ATP8A2: variants seen among roughly 807,000 people sequenced by gnomAD.
The protein encoded by ATP8A2 is phospholipid-transporting ATPase IB.
In ATP8A2, 100 loss-of-function variants were observed where a neutral mutation model predicts 165.6. That is an observed-to-expected ratio of 0.60 (90% CI 0.51 to 0.71). The LOEUF is 0.71. Ranked by LOEUF, ATP8A2 falls within the 30% of genes least tolerant of loss-of-function variation. The pLI is 0.00. For synonymous variants in ATP8A2, 543 were observed against 548.8 expected (o/e 0.99, Z 0.15); for missense variants, 1,227 against 1,479.5 (o/e 0.83, Z 2.80).
intron 33 of ATP8A2, among the ~76,000 whole-genome samples, chr13:25,951,508 C>T (rs372571188): frequency 9.2e-5 from 14 of 152,220 alleles, no homozygotes; most frequent in East Asian, 1.9e-4. Flanking sequence ...GAAAAAGGCA[C>T]GGGAGGGCTT....
At chr13:25,864,736 C>T (rs546643094) in intron 33 of ATP8A2, among the ~76,000 whole-genome samples, 18 of 152,248 alleles carry the variant, frequency 1.2e-4, no homozygotes, top group African/African-American at 4.1e-4. Flanking sequence ...TGGGTGAAAC[C>T]GAGGTTTTCA....
intron 24 of ATP8A2, among the ~76,000 whole-genome samples, chr13:25,660,317 A>C (rs914727698): frequency 6.6e-6 from 1 of 152,200 alleles, no homozygotes; most frequent in African/African-American, 2.4e-5. Context: ...CCAATGGTAT[A>C]TTCTGTAACA....
At chr13:25,784,463 ATAGTT>A (rs1435258617) in intron 27 of ATP8A2, among the ~76,000 whole-genome samples, 3 of 152,190 alleles carry the variant, frequency 2.0e-5, no homozygotes, top group Admixed American at 6.5e-5. Flanking sequence ...CAGCACCCAC[ATAGTT>A]TAGTACTGAT....
At chr13:25,671,903 G>C (rs1042235870) in intron 24 of ATP8A2, among the ~76,000 whole-genome samples, 1 of 152,124 alleles carries the variant, frequency 6.6e-6, no homozygotes. Context: ...AAAACTTGCC[G>C]GTTTTTGCAG....
At chr13:25,841,260 C>T (rs1311195319) in intron 30 of ATP8A2, among the ~76,000 whole-genome samples, 1 of 152,212 alleles carries the variant, frequency 6.6e-6, no homozygotes, top group African/African-American at 2.4e-5. Context: ...AGAGACAGCA[C>T]CAAATGAATT....
chr13:25,990,757 G>A (rs1566332364), intron 35 of ATP8A2, among the ~76,000 whole-genome samples: 1 of 152,204 alleles, frequency 6.6e-6, no homozygotes, highest in East Asian at 1.9e-4. Flanking sequence ...CACTGCTATA[G>A]TATGTTTTCT....
intron 13 of ATP8A2, 129 bp from the exon 14 acceptor site, chr13:25,558,844 A>T: frequency 8.9e-6 from 5 of 563,924 alleles, no homozygotes; most frequent in African/African-American, 1.9e-5. Flanking sequence ...TTTTGTTACT[A>T]ATTTGCTTGC....
intron 10 of ATP8A2, among the ~76,000 whole-genome samples, chr13:25,544,653 G>C (rs9578885): frequency 6.6e-6 from 1 of 152,138 alleles, no homozygotes; most frequent in Non-Finnish European, 1.5e-5. Context: ...GGAGTGACTC[G>C]TGTGAGTAGG....
intron 27 of ATP8A2, among the ~76,000 whole-genome samples, chr13:25,827,499 C>T (rs762077221): frequency 6.6e-6 from 1 of 152,168 alleles, no homozygotes; most frequent in South Asian, 2.1e-4. Flanking sequence ...CTTGCCTAAT[C>T]GGTTAGAATC....
intron 24 of ATP8A2, among the ~76,000 whole-genome samples, chr13:25,611,918 A>G (rs2040698424): frequency 1.3e-5 from 2 of 151,998 alleles, no homozygotes; most frequent in South Asian, 4.1e-4. Context: ...TCCAGTTTAT[A>G]CATGTAAAGG....
intron 33 of ATP8A2, among the ~76,000 whole-genome samples, chr13:25,915,001 T>A (rs1379847078): frequency 6.6e-6 from 1 of 152,246 alleles, no homozygotes; most frequent in Non-Finnish European, 1.5e-5. Context: ...ACTGCCTGTG[T>A]GGAATCTTCT....
intron 33 of ATP8A2, among the ~76,000 whole-genome samples, chr13:25,946,504 A>C (rs1955216151): frequency 6.6e-6 from 1 of 152,174 alleles, no homozygotes; most frequent in African/African-American, 2.4e-5. Flanking sequence ...TCACGTCGCC[A>C]GTGGATGTCC....
At chr13:25,423,173 T>A (rs1027939253) in intron 1 of ATP8A2, among the ~76,000 whole-genome samples, 1 of 152,256 alleles carries the variant, frequency 6.6e-6, no homozygotes, top group Non-Finnish European at 1.5e-5. Context: ...TCACTTTCAG[T>A]GCTCTTTCTA....
intron 33 of ATP8A2, among the ~76,000 whole-genome samples, chr13:25,897,044 G>A (rs1215820622): frequency 6.6e-6 from 1 of 151,940 alleles, no homozygotes; most frequent in Non-Finnish European, 1.5e-5. Flanking sequence ...TTTAAGGTTA[G>A]TATTGTTATG....
At chr13:25,856,439 C>T (rs1315412397) in intron 30 of ATP8A2, among the ~76,000 whole-genome samples, 1 of 152,116 alleles carries the variant, frequency 6.6e-6, no homozygotes, top group Non-Finnish European at 1.5e-5. Flanking sequence ...TTAATAGATA[C>T]AATGCACATT....
chr13:26,016,608 C>G (rs534862176), intron 36 of ATP8A2, among the ~76,000 whole-genome samples: 1 of 152,170 alleles, frequency 6.6e-6, no homozygotes, highest in South Asian at 2.1e-4. Context: ...ATACCTTTCC[C>G]GAAAGGACAC....
At chr13:25,885,158 G>T (rs1953106059) in intron 33 of ATP8A2, among the ~76,000 whole-genome samples, 2 of 143,380 alleles carry the variant, frequency 1.4e-5, no homozygotes, top group African/African-American at 5.2e-5. Context: ...TGTCACCCAG[G>T]CTGGAGTGCA....
chr13:25,727,521 G>A (rs1216491677), intron 25 of ATP8A2, among the ~76,000 whole-genome samples: 1 of 152,162 alleles, frequency 6.6e-6, no homozygotes, highest in Admixed American at 6.5e-5. Flanking sequence ...GACTCTGCGT[G>A]TGAGATGATT....
intron 33 of ATP8A2, among the ~76,000 whole-genome samples, chr13:25,904,118 G>A (rs550858003): frequency 3.1e-4 from 47 of 152,278 alleles, no homozygotes; most frequent in African/African-American, 9.4e-4. Flanking sequence ...CTGAAAACCT[G>A]AGATCCAAAG....
Sources: gnomAD v4.1 joint callset for allele counts (sites outside exome capture counted in the v4.1 genomes callset) on GRCh38, gnomAD v4.1.1 for gene constraint, MANE v1.5 for transcripts, NCBI Gene and HGNC (gene_info 2026-07-23, HGNC 2026-07-21) for gene names.